DNAJC6: variants seen among roughly 807,000 people sequenced by gnomAD.
DNAJC6 encodes auxilin.
DNAJC6 carries 34 observed loss-of-function variants against 110.0 expected under a neutral mutation model. The ratio of observed to expected loss-of-function variants is 0.31; its 90% confidence interval spans 0.24 to 0.41. The LOEUF is 0.41. DNAJC6 is among the 10% of genes least tolerant of loss of function. The pLI is 1.00. For missense variants in DNAJC6, 1,031 were observed against 1,207.8 expected (o/e 0.85, Z 2.17); for synonymous variants, 406 against 437.2 (o/e 0.93, Z 0.89).
At chr1:65,324,206 C>T (rs1372937604) in intron 1 of DNAJC6, among the ~76,000 whole-genome samples, 3 of 151,348 alleles carry the variant, frequency 2.0e-5, no homozygotes, top group African/African-American at 7.3e-5. Flanking sequence ...GACAGGGTCT[C>T]ACTCTGTCAC....
chr1:65,332,892 T>A (rs1038703433), intron 1 of DNAJC6, among the ~76,000 whole-genome samples: 1 of 152,220 alleles, frequency 6.6e-6, no homozygotes, highest in Non-Finnish European at 1.5e-5. Flanking sequence ...GAAGATTATA[T>A]CAGAATTTCA....
At chr1:65,388,454 T>G in intron 9 of DNAJC6, 39 bp downstream of exon 9, 1 of 1,590,296 alleles carries the variant, frequency 6.3e-7, no homozygotes, top group Non-Finnish European at 8.6e-7. Context: ...TTGAATCAAA[T>G]TAGCTGTGAA....
chr1:65,318,602 A>G (rs1645169098), intron 1 of DNAJC6, among the ~76,000 whole-genome samples: 1 of 152,244 alleles, frequency 6.6e-6, no homozygotes, highest in Non-Finnish European at 1.5e-5. Context: ...TAATGCAGGA[A>G]CAGAAAACCA....
In DNAJC6 at chr1:65,392,530, C is replaced by G. The variant is rs766961674; in HGVS notation, c.1568C>G (p.Pro523Arg). The change falls in exon 12 of 19, where the codon CCG becomes CGG. Residue 523 changes from proline (P) to arginine (R), a missense_variant. By Grantham distance (103) the Pro-to-Arg change is moderately radical (BLOSUM62 -2). Coordinates refer to ENST00000371069, the MANE Select transcript of DNAJC6 (RefSeq NM_001256864.2). ...SDDELLTLSS[P>R]HGNANGDKPH... Reference sequence around the variant, plus strand: ...GATGAACTTCTGACACTTTCCAGTCCGCATGGCAATGCCAATGGTGACAAG... The same window carrying G: ...GATGAACTTCTGACACTTTCCAGTCGGCATGGCAATGCCAATGGTGACAAG... The G allele has an allele frequency of 6.2e-7, 1 of 1,613,860 alleles. No individual in the cohort carries two copies. The highest frequency in any genetic ancestry group is 8.5e-7 in the Non-Finnish European group (1 of 1,179,988).
intron 16 of DNAJC6, 39 bp from the exon 17 acceptor site, chr1:65,408,602 G>T (rs771265755): frequency 1.3e-6 from 2 of 1,593,106 alleles, no homozygotes; most frequent in Non-Finnish European, 1.7e-6. Flanking sequence ...TTATGTTTAA[G>T]AATGAAAACT....
At chr1:65,274,056 A>G (rs1441117010) in intron 1 of DNAJC6, among the ~76,000 whole-genome samples, 1 of 152,110 alleles carries the variant, frequency 6.6e-6, no homozygotes, top group Non-Finnish European at 1.5e-5. Context: ...AGAGAGGGCA[A>G]ACTCTTCCAT....
rs1645605261 is a variant in DNAJC6, at chr1:65,362,273, G to A, written c.194-2362G>A. Among the ~76,000 whole-genome samples the A allele has an allele frequency of 4.8e-5, 7 of 145,924 alleles. No individual in the cohort carries two copies. In the South Asian group the frequency reaches 1.3e-3, roughly 28 times the overall value. On this transcript the variant is annotated intron_variant, in intron 1 of 18. Coordinates refer to ENST00000371069, the MANE Select transcript of DNAJC6 (RefSeq NM_001256864.2). Reference sequence around the variant, plus strand: ...ATCTATTTCATTGGGATGCTATGAGGATTAAATGACTGAATATAGATAAAA... The same window carrying A: ...ATCTATTTCATTGGGATGCTATGAGAATTAAATGACTGAATATAGATAAAA...
At chr1:65,410,429 C>T (rs753251491) in intron 17 of DNAJC6, among the ~76,000 whole-genome samples, 2 of 152,122 alleles carry the variant, frequency 1.3e-5, no homozygotes, top group African/African-American at 2.4e-5. Context: ...TCTCAATAAC[C>T]GTTGTTCATT....
intron 1 of DNAJC6, among the ~76,000 whole-genome samples, chr1:65,353,476 G>A (rs1452869360): frequency 6.6e-6 from 1 of 152,130 alleles, no homozygotes; most frequent in Non-Finnish European, 1.5e-5. Flanking sequence ...AATTTGGATT[G>A]GCACCTGTAG....
intron 13 of DNAJC6, among the ~76,000 whole-genome samples, chr1:65,396,260 A>C (rs1645976157): frequency 6.6e-6 from 1 of 152,190 alleles, no homozygotes; most frequent in Non-Finnish European, 1.5e-5. Context: ...TACCTGTAGG[A>C]GAAAAGATGC....
chr1:65,395,107 A>G, intron 13 of DNAJC6, 75 bp downstream of exon 13: 2 of 1,428,698 alleles, frequency 1.4e-6, no homozygotes, highest in Middle Eastern at 1.9e-4. Flanking sequence ...CATATATAAA[A>G]GCACCCTGTG....
At chr1:65,271,024 C>A (rs1653487726) in intron 1 of DNAJC6, among the ~76,000 whole-genome samples, 1 of 152,138 alleles carries the variant, frequency 6.6e-6, no homozygotes. Flanking sequence ...GCAGGACAAT[C>A]TTCCTAGCAT....
intron 16 of DNAJC6, among the ~76,000 whole-genome samples, chr1:65,408,322 A>G (rs751982665): frequency 2.0e-5 from 3 of 152,220 alleles, no homozygotes; most frequent in Non-Finnish European, 4.4e-5. Flanking sequence ...CAACACTGAT[A>G]TGAGTTAGTT....
chr1:65,341,840 C>T (rs1322515826), intron 1 of DNAJC6, among the ~76,000 whole-genome samples: 1 of 152,110 alleles, frequency 6.6e-6, no homozygotes, highest in Non-Finnish European at 1.5e-5. Flanking sequence ...TAGGAAAGAG[C>T]ATCTTGAGCC....
At chr1:65,292,071 C>T (rs1249800816) in intron 1 of DNAJC6, among the ~76,000 whole-genome samples, 2 of 152,112 alleles carry the variant, frequency 1.3e-5, no homozygotes, top group South Asian at 2.1e-4. Flanking sequence ...GGCTGGAGTA[C>T]AATGGCGCGA....
At chr1:65,379,677 AAGGG>A in intron 5 of DNAJC6, 153 bp downstream of exon 5, 4 of 1,150,492 alleles carry the variant, frequency 3.5e-6, no homozygotes, top group Non-Finnish European at 4.9e-6. Context: ...AAAAATAAGA[AAGGG>A]ATTTATTATT....
chr1:65,271,392 G>A (rs1189583397), intron 1 of DNAJC6, among the ~76,000 whole-genome samples: 4 of 152,128 alleles, frequency 2.6e-5, no homozygotes, highest in Admixed American at 6.6e-5. Context: ...CTATTGATCA[G>A]CATTGCCCCT....
intron 1 of DNAJC6, among the ~76,000 whole-genome samples, chr1:65,333,364 G>A (rs898705186): frequency 6.6e-6 from 1 of 152,020 alleles, no homozygotes; most frequent in Admixed American, 6.6e-5. Context: ...TTGCTCTTTG[G>A]CATTGACCAT....
intron 1 of DNAJC6, among the ~76,000 whole-genome samples, chr1:65,355,029 C>T (rs1220813665): frequency 6.6e-6 from 1 of 152,094 alleles, no homozygotes; most frequent in Non-Finnish European, 1.5e-5. Flanking sequence ...GTAATCCCAG[C>T]ACTTTGGGAG....
Sources: gnomAD v4.1 joint callset for allele counts (sites outside exome capture counted in the v4.1 genomes callset) on GRCh38, gnomAD v4.1.1 for gene constraint, MANE v1.5 for transcripts, NCBI Gene and HGNC (gene_info 2026-07-23, HGNC 2026-07-21) for gene names.